BIRC6: variants seen among roughly 807,000 people sequenced by gnomAD.
BIRC6 encodes baculoviral IAP repeat containing 6.
BIRC6 carries 98 observed loss-of-function variants against 503.3 expected under a neutral mutation model. The ratio of observed to expected loss-of-function variants is 0.19; its 90% CI spans 0.17 to 0.23. The LOEUF (loss-of-function observed/expected upper bound fraction) is 0.23, where lower values mean the gene tolerates loss of function less well. BIRC6 is among the 10% of genes least tolerant of loss of function. The probability of loss-of-function intolerance (pLI) is 1.00; values close to 1 mark genes in which losing one functional copy is unlikely to be tolerated. For missense variants in BIRC6, 5,360 were observed against 5,806.0 expected (o/e 0.92, Z 2.50); for synonymous variants, 2,240 against 2,078.7 (o/e 1.08, Z -2.11).
chr2:32,404,368 A>C (rs2040953456), intron 8 of BIRC6, among the ~76,000 whole-genome samples: 1 of 151,216 alleles, frequency 6.6e-6, no homozygotes. Flanking sequence ...CCCATGCTGG[A>C]GTGCAGTGGT....
intron 68 of BIRC6, among the ~76,000 whole-genome samples, chr2:32,596,442 C>G (rs950532084): frequency 7.2e-6 from 1 of 138,290 alleles, no homozygotes; most frequent in African/African-American, 2.7e-5. Context: ...ACACTCCAGT[C>G]TGGGCGACAG....
intron 43 of BIRC6, among the ~76,000 whole-genome samples, chr2:32,490,638 G>A (rs1053027753): frequency 1.3e-5 from 2 of 151,908 alleles, no homozygotes; most frequent in Admixed American, 6.6e-5. Context: ...CATATGTCTC[G>A]TTGGATGTTC....
chr2:32,389,676 T>C (rs1035785605), intron 4 of BIRC6, among the ~76,000 whole-genome samples: 2 of 152,198 alleles, frequency 1.3e-5, no homozygotes, highest in African/African-American at 4.8e-5. Flanking sequence ...ATTAGATTTT[T>C]GTTTGCCTTT....
At chr2:32,539,855 T>C (rs6729952) in intron 61 of BIRC6, among the ~76,000 whole-genome samples, 89,272 of 151,772 alleles carry the variant, frequency 0.59, 26,844 homozygotes, top group African/African-American at 0.7. Context: ...AACAAGAAAG[T>C]CGTACATTTT....
intron 60 of BIRC6, among the ~76,000 whole-genome samples, chr2:32,530,499 C>T (rs1038835386): frequency 4.6e-5 from 7 of 152,132 alleles, no homozygotes; most frequent in Admixed American, 6.5e-5. Context: ...CATGAGCCAC[C>T]GCACCCGGCC....
In BIRC6 at chr2:32,617,879, A is replaced by G. The variant is rs371945426; in HGVS notation, c.14549A>G (p.Glu4850Gly). The change falls in exon 74 of 74, where the codon GAA (glutamate) becomes GGA (glycine). Residue 4850 changes from glutamate to glycine, a missense_variant. This residue lies in a region of BIRC6 where 140 missense variants were observed against 130.2 expected (regional missense o/e 1.07). Transcript: ENST00000421745. The part of the protein sequence containing the change: ...HDQVKPSSSK[E>G]LPSDFQL The stretch of plus-strand genomic sequence containing the variant: ...CAGGTTAAACCCAGCAGCAGCAAAG[A>G]ACTCCCCAGTGACTTCCAGTTATGA... 3.1e-6 allele frequency: 5 copies of G among 1,613,458 alleles called. No homozygotes were observed. The highest frequency in any genetic ancestry group is 1.3e-5 in the African/African-American group (1 of 74,938).
Position 32,433,641 on chromosome 2 carries a change from C to A in BIRC6, c.3249-3C>A. The A allele has an allele frequency of 1.3e-6, 2 of 1,533,774 alleles. No individual in the cohort carries two copies. Among genetic ancestry groups the A allele is most frequent in the Non-Finnish European group, 1.8e-6 (2 of 1,124,728 alleles). On this transcript the variant is annotated splice_region_variant and splice_polypyrimidine_tract_variant and intron_variant, in intron 12 of 73. Coordinates refer to ENST00000421745, the MANE Select transcript of BIRC6 (RefSeq NM_016252.4). ...ATTTAGCATTTTTCCCCTTATTTGA[C>A]AGCAACAGCTGGGATGAACATGTAT...
chr2:32,384,272 A>G (rs1409500942), intron 3 of BIRC6, among the ~76,000 whole-genome samples: 1 of 152,192 alleles, frequency 6.6e-6, no homozygotes, highest in African/African-American at 2.4e-5. Flanking sequence ...ACCTTTCAGC[A>G]TGTCTCTTTC....
chr2:32,392,692 C>G (rs1192045296), intron 5 of BIRC6, among the ~76,000 whole-genome samples: 2 of 152,034 alleles, frequency 1.3e-5, no homozygotes, highest in Non-Finnish European at 2.9e-5. Flanking sequence ...GCCCTATCAC[C>G]ACTCACTTCA....
At chr2:32,377,089 C>G (rs1237620863) in intron 1 of BIRC6, among the ~76,000 whole-genome samples, 1 of 152,116 alleles carries the variant, frequency 6.6e-6, no homozygotes, top group Non-Finnish European at 1.5e-5. Context: ...TGAACACTTT[C>G]ATTTTGCACT....
At chr2:32,606,111 G>A (rs1366014042) in intron 71 of BIRC6, among the ~76,000 whole-genome samples, 3 of 152,136 alleles carry the variant, frequency 2.0e-5, no homozygotes, top group African/African-American at 7.2e-5. Flanking sequence ...GAATTGCGTA[G>A]ATAATATCTG....
At chr2:32,412,178 A>T (rs2041959006) in intron 9 of BIRC6, among the ~76,000 whole-genome samples, 2 of 152,116 alleles carry the variant, frequency 1.3e-5, no homozygotes, top group Non-Finnish European at 2.9e-5. Context: ...TACTACTTTT[A>T]AGGGAATAGT....
At chr2:32,456,245 A>G (rs1265214840) in intron 23 of BIRC6, among the ~76,000 whole-genome samples, 1 of 152,174 alleles carries the variant, frequency 6.6e-6, no homozygotes, top group Non-Finnish European at 1.5e-5. Flanking sequence ...TGGTTGAGTA[A>G]GGTCTGTATA....
chr2:32,464,668 A>C lies in BIRC6; in HGVS notation c.5101A>C (p.Thr1701Pro). ...TGTTATTCCACCCACTCCAAAAACA[A>C]CACCTCTTTTTATGACTCCACCACT... ...SDVIPPTPKT[T>P]PLFMTPPLTP... is the part of the protein sequence containing the mutation. Residue 1701 changes from threonine to proline, a missense_variant, in exon 25 of 74, where the codon ACA becomes CCA. By Grantham distance (38) the Thr-to-Pro change is conservative. Coordinates refer to ENST00000421745, the MANE Select transcript of BIRC6 (RefSeq NM_016252.4). 3 of 1,613,854 alleles carry C rather than the reference A, an allele frequency of 1.9e-6. No individual in the cohort carries two copies. Among genetic ancestry groups the C allele is most frequent in the Non-Finnish European group, 2.5e-6 (3 of 1,179,858 alleles).
At chr2:32,548,130 C>A in intron 64 of BIRC6, 116 bp downstream of exon 64, 1 of 893,178 alleles carries the variant, frequency 1.1e-6, no homozygotes, top group South Asian at 2.6e-5. Flanking sequence ...CACTTGTGGT[C>A]CTTCTTCCCA....
chr2:32,360,300 A>G (rs980032712), intron 1 of BIRC6, among the ~76,000 whole-genome samples: 1 of 152,220 alleles, frequency 6.6e-6, no homozygotes, highest in African/African-American at 2.4e-5. Context: ...ATTTTTAACT[A>G]TGACTACTAG....
At chr2:32,617,017 G>A (rs2063289919) in intron 73 of BIRC6, among the ~76,000 whole-genome samples, 2 of 152,160 alleles carry the variant, frequency 1.3e-5, no homozygotes, top group Non-Finnish European at 2.9e-5. Context: ...GATTGCTTAA[G>A]CCCAGGAGGT....
At chr2:32,539,653 A>C (rs1306568973) in intron 61 of BIRC6, among the ~76,000 whole-genome samples, 1 of 152,190 alleles carries the variant, frequency 6.6e-6, no homozygotes, top group African/African-American at 2.4e-5. Context: ...CATGGGATAT[A>C]GCTACAGCAG....
chr2:32,569,352 T>C (rs2059765997), intron 65 of BIRC6, among the ~76,000 whole-genome samples: 1 of 152,092 alleles, frequency 6.6e-6, no homozygotes, highest in Non-Finnish European at 1.5e-5. Context: ...TATTTTGTTT[T>C]AGATTTTATT....
Sources: allele counts gnomAD v4.1 joint callset (sites outside exome capture counted in the v4.1 genomes callset), GRCh38; gene constraint gnomAD v4.1.1; regional missense constraint gnomAD v4.1.1; transcripts MANE v1.5; gene names NCBI Gene and HGNC (gene_info 2026-07-23, HGNC 2026-07-21).